The following GSE1 variants were observed in gnomAD, a reference collection of about 807,000 sequenced individuals.
GSE1 encodes genetic suppressor element 1.
A neutral mutation model predicts 112.6 loss-of-function variants in GSE1; 32 were observed. The observed-to-expected ratio is 0.28, with a 90% CI of 0.21 to 0.38. The LOEUF is 0.38. Ranked by LOEUF, GSE1 falls within the 10% of genes least tolerant of loss-of-function variation. The probability of loss-of-function intolerance (pLI) is 1.00; values close to 1 mark genes in which losing one functional copy is unlikely to be tolerated. For missense variants in GSE1, 2,348 were observed against 1,699.2 expected (o/e 1.38, Z -6.71); for synonymous variants, 1,115 against 735.6 (o/e 1.52, Z -8.35).
At position 85,260,687 on chromosome 16, in the gene GSE1, G is replaced by A. The variant is rs969888779; in HGVS notation, c.2283+88880G>A. On this transcript the variant is annotated intron_variant, in intron 1 of 2. Coordinates refer to the GSE1 transcript ENST00000637419. The stretch of plus-strand genomic sequence containing the variant: ...CTGTTCCCAGGGCAATGGGGGCTAC[G>A]CCACAGGGCCCTTTCTGGCCCCCCG... 5.9e-5 allele frequency among the ~76,000 whole-genome samples: 9 copies of A among 152,344 alleles called. No individual in the cohort carries two copies. In the South Asian group the frequency reaches 1.4e-3, roughly 25 times the overall value.
At chr16:85,668,557 A>T in intron 14 of GSE1, 133 bp downstream of exon 14, 3 of 647,832 alleles carry the variant, frequency 4.6e-6, no homozygotes, top group Non-Finnish European at 7.9e-6. Context: ...GTAGATATGA[A>T]TACTGGAAGT....
At chr16:85,590,626 T>C (rs1422706192) in intron 1 of GSE1, among the ~76,000 whole-genome samples, 2 of 151,460 alleles carry the variant, frequency 1.3e-5, no homozygotes, top group African/African-American at 4.9e-5. Flanking sequence ...CATGTGTGAA[T>C]GCGTGGGCCT....
At chr16:85,284,648 C>G (rs1346900456) in intron 1 of GSE1, among the ~76,000 whole-genome samples, 1 of 152,216 alleles carries the variant, frequency 6.6e-6, no homozygotes, top group Non-Finnish European at 1.5e-5. Flanking sequence ...ATATTAAACG[C>G]CCGCTGCTGG....
rs2053611586 is a variant in GSE1, at chr16:85,675,101, C to T, written c.*2562C>T. The stretch of plus-strand genomic sequence containing the variant: ...TTACTTTCAGATTATTCTCAAAGAA[C>T]ACAGTAGCACCTAAATCTGTTTTCA... On this transcript the variant is annotated 3_prime_UTR_variant, in exon 16 of 16. Transcript: ENST00000253458. 1 of 152,250 alleles carries T rather than the reference C, an allele frequency of 6.6e-6. No homozygotes were observed. The highest frequency in any genetic ancestry group is 2.4e-5 in the African/African-American group (1 of 41,458). 9.4% of individuals were successfully genotyped at this position (152,250 alleles called of 1,614,324 possible).
chr16:85,488,404 C>G (rs150403803), intron 2 of GSE1, among the ~76,000 whole-genome samples: 2 of 152,150 alleles, frequency 1.3e-5, no homozygotes, highest in Admixed American at 6.6e-5. Flanking sequence ...TTCATTTATT[C>G]GCACAGCCAG....
chr16:85,523,700 A>G (rs1178990156), intron 2 of GSE1, among the ~76,000 whole-genome samples: 1 of 152,152 alleles, frequency 6.6e-6, no homozygotes, highest in African/African-American at 2.4e-5. Context: ...TTCCAGTGTC[A>G]CTGCAGGCGG....
Position 85,574,867 on chromosome 16 carries a change from C to G in GSE1, c.37+18504C>G, listed in dbSNP as rs1034137075. On this transcript the variant is annotated intron_variant, in intron 1 of 2. Transcript: ENST00000635906. Reference sequence around the variant, plus strand: ...TGGGGGCTCCCTGCTGGAGCCTGCCCTGGTTATATTGGGATCTGCGCTCCA... The same window carrying G: ...TGGGGGCTCCCTGCTGGAGCCTGCCGTGGTTATATTGGGATCTGCGCTCCA... Among the ~76,000 whole-genome samples the G allele has an allele frequency of 1.4e-4, 22 of 152,296 alleles. 1 individual carries two copies. The highest frequency in any genetic ancestry group is 1.4e-3 in the Admixed American group (22 of 15,300).
intron 14 of GSE1, among the ~76,000 whole-genome samples, chr16:85,669,732 T>C (rs551577458): frequency 6.6e-6 from 1 of 152,306 alleles, no homozygotes; most frequent in African/African-American, 2.4e-5. Flanking sequence ...CTTCTGTGAG[T>C]TTGGCTTTTT....
At chr16:85,404,942 A>G (rs1237684891) in intron 2 of GSE1, among the ~76,000 whole-genome samples, 3 of 16,674 alleles carry the variant, frequency 1.8e-4, no homozygotes, top group Non-Finnish European at 3.1e-4. Context: ...GATAATCCTC[A>G]CTGTTACTCT....
chr16:85,184,870 C>G (rs369807034), intron 1 of GSE1, among the ~76,000 whole-genome samples: 2 of 152,248 alleles, frequency 1.3e-5, no homozygotes, highest in South Asian at 2.1e-4. Flanking sequence ...AAGAAGGGAC[C>G]ACAAGCTCTT....
intron 2 of GSE1, among the ~76,000 whole-genome samples, chr16:85,458,552 C>T (rs987568346): frequency 6.6e-6 from 1 of 152,176 alleles, no homozygotes; most frequent in Non-Finnish European, 1.5e-5. Flanking sequence ...GCATGGAGGC[C>T]CAGGGGCCAG....
intron 2 of GSE1, among the ~76,000 whole-genome samples, chr16:85,371,843 A>G (rs748684463): frequency 6.6e-6 from 1 of 152,180 alleles, no homozygotes. Context: ...GGATGGTGCC[A>G]AGCCTAGAAC....
At chr16:85,255,371 CA>C (rs1259942595) in intron 1 of GSE1, among the ~76,000 whole-genome samples, 1 of 151,912 alleles carries the variant, frequency 6.6e-6, no homozygotes, top group Non-Finnish European at 1.5e-5. Flanking sequence ...CTCCCAGCCT[CA>C]GTTTCCCCAT....
At chr16:85,456,003 G>A (rs753958396) in intron 2 of GSE1, among the ~76,000 whole-genome samples, 3 of 152,234 alleles carry the variant, frequency 2.0e-5, no homozygotes, top group Non-Finnish European at 4.4e-5. Flanking sequence ...GCTCAGAGAG[G>A]TTAATGACTT....
chr16:85,289,624 G>A (rs922106203), intron 1 of GSE1, among the ~76,000 whole-genome samples: 4 of 152,108 alleles, frequency 2.6e-5, no homozygotes. Context: ...TGGACCGTCT[G>A]CAGCCTGGCT....
chr16:85,674,374 T>C lies in GSE1; in HGVS notation c.*1835T>C, dbSNP rs2152041049. ...GTATTATCAGCAGTCAACAAGCACCTTCCTCTCCACAGAAGCAGCTGGAAG... is the reference window on the plus strand; with the variant it reads ...GTATTATCAGCAGTCAACAAGCACCCTCCTCTCCACAGAAGCAGCTGGAAG... On this transcript the variant is annotated 3_prime_UTR_variant, in exon 16 of 16. Transcript: ENST00000253458. 1 of 152,384 alleles carries C rather than the reference T, an allele frequency of 6.6e-6. No individual in the cohort carries two copies. Among genetic ancestry groups the C allele is most frequent in the African/African-American group, 2.4e-5 (1 of 41,590 alleles). The allele number at this position is 152,384 out of a possible 1,614,324, so 9.4% of individuals were successfully genotyped here.
intron 1 of GSE1, among the ~76,000 whole-genome samples, chr16:85,615,981 C>T (rs1567655792): frequency 6.6e-6 from 1 of 152,228 alleles, no homozygotes; most frequent in Non-Finnish European, 1.5e-5. Flanking sequence ...CCCGATGAGC[C>T]CTCCCCTCCA....
chr16:85,661,253 C>T lies in GSE1; in HGVS notation c.1748C>T (p.Ala583Val). ...PKPQLHAAPT[A>V]LWNPVSLMDN... ...CCCCAGCTCCATGCTGCACCCACGG[C>T]CCTCTGGAACCCCGTGTCCCTGATG... The change falls in exon 9 of 16, where the codon GCC becomes GTC. Residue 583 changes from alanine to valine, a missense_variant. Physicochemically the swap from Ala to Val is moderately conservative, Grantham distance 64. Coordinates refer to ENST00000253458, the MANE Select transcript of GSE1 (RefSeq NM_014615.5). 6.2e-7 allele frequency: 1 copy of T among 1,612,970 alleles called. No individual in the cohort carries two copies. The highest frequency in any genetic ancestry group is 1.1e-5 in the South Asian group (1 of 91,088).
At chr16:85,239,160 G>A (rs1330700200) in intron 1 of GSE1, among the ~76,000 whole-genome samples, 2 of 152,252 alleles carry the variant, frequency 1.3e-5, no homozygotes, top group South Asian at 2.1e-4. Context: ...TCGAACTCCC[G>A]ACCTCAAGTG....
Sources: gnomAD v4.1 joint callset for allele counts (sites outside exome capture counted in the v4.1 genomes callset) on GRCh38, gnomAD v4.1.1 for gene constraint, MANE v1.5 for transcripts, NCBI Gene and HGNC (gene_info 2026-07-23, HGNC 2026-07-21) for gene names.